The following AKAP19 variants were observed in gnomAD, a reference collection of about 807,000 sequenced individuals.
AKAP19 encodes the protein A-kinase anchoring protein 19.
At chr2:190,155,207 G>C in the AKAP19 span, among the ~76,000 whole-genome samples, 9 of 152,170 alleles carry the variant, frequency 5.9e-5, no homozygotes, top group African/African-American at 1.9e-4. Context: ...CTGGGAACCA[G>C]ACCCTTGCCC....
At chr2:190,173,916 G>GC in the AKAP19 span, among the ~76,000 whole-genome samples, 2 of 151,910 alleles carry the variant, frequency 1.3e-5, no homozygotes, top group Non-Finnish European at 2.9e-5. Flanking sequence ...ACGTCTTCTT[G>GC]CCCCTAGTTT....
chr2:189,945,871 A>G, the AKAP19 span, among the ~76,000 whole-genome samples: 301 of 152,310 alleles, frequency 2.0e-3, 8 homozygotes, highest in East Asian at 0.047. Flanking sequence ...TGCTCTACAT[A>G]TATGTCTGGA....
chr2:190,101,819 C>A, the AKAP19 span, among the ~76,000 whole-genome samples: 1 of 152,084 alleles, frequency 6.6e-6, no homozygotes, highest in Non-Finnish European at 1.5e-5. Context: ...ACATTCTGGA[C>A]TTAAATTCAA....
the AKAP19 span, among the ~76,000 whole-genome samples, chr2:189,935,392 A>G: frequency 1.3e-5 from 2 of 152,098 alleles, no homozygotes; most frequent in Non-Finnish European, 2.9e-5. Flanking sequence ...GGTAAAGTAA[A>G]TATCGAAAAG....
the AKAP19 span, among the ~76,000 whole-genome samples, chr2:190,059,202 T>G: frequency 6.6e-6 from 1 of 151,938 alleles, no homozygotes; most frequent in African/African-American, 2.4e-5. Context: ...TATCAATAGA[T>G]GAACGTAAAA....
At chr2:190,193,078 C>G in the AKAP19 span, among the ~76,000 whole-genome samples, 2 of 152,024 alleles carry the variant, frequency 1.3e-5, no homozygotes, top group Non-Finnish European at 2.9e-5. Context: ...CTGCCTTGCT[C>G]CTGTCATAGG....
the AKAP19 span, among the ~76,000 whole-genome samples, chr2:189,921,013 C>CCTTTTTT: frequency 4.6e-5 from 7 of 152,132 alleles, no homozygotes; most frequent in Non-Finnish European, 5.9e-5. Context: ...CACTGATAGA[C>CCTTTTTT]CTTTTTTCTT....
chr2:190,006,807 AG>A, the AKAP19 span, among the ~76,000 whole-genome samples: 1 of 151,826 alleles, frequency 6.6e-6, no homozygotes, highest in Non-Finnish European at 1.5e-5. Context: ...TCACGAGGTC[AG>A]GAGATCGAGA....
At chr2:190,127,019 G>T in the AKAP19 span, among the ~76,000 whole-genome samples, 1 of 152,018 alleles carries the variant, frequency 6.6e-6, no homozygotes, top group African/African-American at 2.4e-5. Flanking sequence ...GGCCACCAGA[G>T]CACCCAAAGA....
At chr2:189,951,029 A>G in the AKAP19 span, among the ~76,000 whole-genome samples, 10 of 152,116 alleles carry the variant, frequency 6.6e-5, no homozygotes, top group Non-Finnish European at 1.0e-4. Context: ...TCGTTTCTGC[A>G]CTTTCCTGGA....
the AKAP19 span, among the ~76,000 whole-genome samples, chr2:190,108,782 G>A: frequency 2.1e-4 from 24 of 115,130 alleles, no homozygotes; most frequent in African/African-American, 6.3e-4. Context: ...GCCTGTTTGC[G>A]GTTTTTTTTT....
chr2:189,994,512 A>T, the AKAP19 span, among the ~76,000 whole-genome samples: 1 of 152,074 alleles, frequency 6.6e-6, no homozygotes, highest in African/African-American at 2.4e-5. Flanking sequence ...ATTATCATTC[A>T]GTTCAAAAGA....
the AKAP19 span, among the ~76,000 whole-genome samples, chr2:190,068,959 C>T: frequency 6.6e-6 from 1 of 152,112 alleles, no homozygotes; most frequent in Admixed American, 6.6e-5. Flanking sequence ...TATGGCTTCT[C>T]ACACCGTGTG....
chr2:189,925,493 A>G, the AKAP19 span, among the ~76,000 whole-genome samples: 4 of 152,322 alleles, frequency 2.6e-5, no homozygotes, highest in Non-Finnish European at 5.9e-5. Context: ...TCAGGGAGGC[A>G]GTAACCATAG....
chr2:189,994,076 T>A, the AKAP19 span, among the ~76,000 whole-genome samples: 1 of 151,710 alleles, frequency 6.6e-6, no homozygotes, highest in African/African-American at 2.4e-5. Flanking sequence ...ACTGGCGCGA[T>A]CTCAGCTCAC....
chr2:189,940,049 G>A, the AKAP19 span, among the ~76,000 whole-genome samples: 3 of 152,146 alleles, frequency 2.0e-5, no homozygotes, highest in African/African-American at 4.8e-5. Context: ...GGAGGCCGAG[G>A]TGGGTGGATC....
chr2:189,970,892 T>A, the AKAP19 span, among the ~76,000 whole-genome samples: 15 of 152,364 alleles, frequency 9.8e-5, no homozygotes, highest in Non-Finnish European at 1.9e-4. Context: ...TAAAACAATA[T>A]CGCCCTATGG....
chr2:189,941,262 G>T, the AKAP19 span, among the ~76,000 whole-genome samples: 22 of 152,096 alleles, frequency 1.4e-4, no homozygotes, highest in African/African-American at 5.3e-4. Flanking sequence ...AAGCTAACAC[G>T]TGAAAAGAAA....
chr2:190,172,506 C>G, the AKAP19 span, among the ~76,000 whole-genome samples: 2 of 152,136 alleles, frequency 1.3e-5, no homozygotes, highest in South Asian at 4.1e-4. Flanking sequence ...CAGAAGTCCA[C>G]CAGTTTTGTT....
Sources: gnomAD v4.1 joint callset for allele counts (sites outside exome capture counted in the v4.1 genomes callset) on GRCh38, gnomAD v4.1.1 for gene constraint, MANE v1.5 for transcripts, NCBI Gene and HGNC (gene_info 2026-07-23, HGNC 2026-07-21) for gene names.